Variants in SLC6A13 observed in about 807,000 individuals in gnomAD.
SLC6A13 encodes the protein solute carrier family 6 member 13.
Under a neutral mutation model 72.9 loss-of-function variants are expected in SLC6A13, and 69 were observed. The observed-to-expected ratio is 0.95, with a 90% CI of 0.78 to 1.16. SLC6A13 has a LOEUF of 1.16. SLC6A13 is among the 50% of genes most tolerant of loss of function. The pLI, the probability that SLC6A13 is intolerant of heterozygous loss-of-function variation, is 0.00. For missense variants in SLC6A13, 735 were observed against 760.5 expected, an observed-to-expected ratio of 0.97 and a Z score of 0.39; for synonymous variants, 303 against 303.0, an observed-to-expected ratio of 1.00 and a Z score of 0.00.
intron 11 of SLC6A13, 21 bp downstream of exon 11, chr12:223,971 C>T (rs1370538351): frequency 6.2e-7 from 1 of 1,605,664 alleles, no homozygotes; most frequent in Non-Finnish European, 8.5e-7. Flanking sequence ...CCCAGCCTTC[C>T]CCCGCTTCCC....
rs73604845 is a variant in SLC6A13 at position 251,510 on chromosome 12, T to G, written c.203-7697A>C. 9.1e-3 allele frequency among the ~76,000 whole-genome samples: 1,392 copies of G among 152,286 alleles called. 16 individuals are homozygous for G. Among genetic ancestry groups the G allele is most frequent in the African/African-American group, 0.032 (1,335 of 41,544 alleles). Reference sequence around the variant, plus strand: ...TAGAGCTAAATGTCAAACCTAAAACTATACATCTTCTAGAAGAAAATATGA... The same window carrying G: ...TAGAGCTAAATGTCAAACCTAAAACGATACATCTTCTAGAAGAAAATATGA... On this transcript the variant is annotated intron_variant, in intron 2 of 14. Coordinates refer to ENST00000343164, the MANE Select transcript of SLC6A13 (RefSeq NM_016615.5).
chr12:221,524 A>G lies in SLC6A13; in HGVS notation c.1538T>C (p.Ile513Thr). 1 of 1,602,354 alleles carries G rather than the reference A, an allele frequency of 6.2e-7. No homozygotes were observed. The change falls in exon 14 of 15, where the codon ATA (isoleucine) becomes ACA (threonine). Residue 513 changes from isoleucine to threonine, a missense_variant. By Grantham distance (89) the Ile-to-Thr change is moderately conservative. Coordinates refer to ENST00000343164, the MANE Select transcript of SLC6A13 (RefSeq NM_016615.5). ...GTTGTAGGTCAGCGGAGTGTACTTT[A>G]TCAGGGAGAAGAGAAAGGTGGCCTG... ...VCTATFLFSLIKYTPLTYNKK... is the reference protein window; with the variant it reads ...VCTATFLFSLTKYTPLTYNKK...
intron 7 of SLC6A13, among the ~76,000 whole-genome samples, chr12:231,226 C>A (rs79145070): frequency 0.027 from 4,050 of 152,274 alleles, 78 homozygotes; most frequent in Non-Finnish European, 0.038. Flanking sequence ...CTGGGGATAC[C>A]GGGAAAGGCA....
chr12:259,609 C>G (rs1414852160), intron 2 of SLC6A13: 14 of 1,418,892 alleles, frequency 9.9e-6, no homozygotes, highest in Non-Finnish European at 2.8e-6. Context: ...CTCTCATCCA[C>G]CTGGTTCCAG....
intron 2 of SLC6A13, among the ~76,000 whole-genome samples, chr12:252,422 G>A (rs10774031): frequency 0.56 from 85,355 of 152,088 alleles, 25,429 homozygotes; most frequent in Non-Finnish European, 0.68. Flanking sequence ...CTCAATTGTG[G>A]CAGTGGTTTC....
chr12:235,720 G>A (rs542865562), intron 6 of SLC6A13, among the ~76,000 whole-genome samples: 31 of 152,226 alleles, frequency 2.0e-4, no homozygotes, highest in Non-Finnish European at 2.6e-4. Flanking sequence ...CTGTGGGGTC[G>A]GGCAAAAACA....
intron 7 of SLC6A13, among the ~76,000 whole-genome samples, chr12:231,831 C>A (rs149776920): frequency 6.6e-6 from 1 of 152,176 alleles, no homozygotes; most frequent in African/African-American, 2.4e-5. Context: ...GGAACAGATC[C>A]GGCACATAGT....
chr12:228,449 T>C (rs537432371), intron 7 of SLC6A13, among the ~76,000 whole-genome samples: 5 of 152,246 alleles, frequency 3.3e-5, no homozygotes, highest in African/African-American at 1.2e-4. Context: ...CACCCCGCTA[T>C]GGACGCAGAC....
intron 6 of SLC6A13, among the ~76,000 whole-genome samples, chr12:236,138 T>C (rs1941922162): frequency 6.6e-6 from 1 of 152,250 alleles, no homozygotes; most frequent in Non-Finnish European, 1.5e-5. Flanking sequence ...TTAGTAATTC[T>C]GCTTTTGCCC....
In SLC6A13 at chr12:220,658, T is replaced by C; in HGVS notation, c.*290A>G. The C allele has an allele frequency of 2.6e-6, 1 of 385,192 alleles. No individual in the cohort carries two copies. Among genetic ancestry groups the C allele is most frequent in the Non-Finnish European group, 4.8e-6 (1 of 207,602 alleles). 23.9% of individuals were successfully genotyped at this position (385,192 alleles called of 1,614,324 possible). A position where few individuals can be genotyped will look rare whatever the true frequency, so the allele number is the denominator to read the frequency against. On this transcript the variant is annotated 3_prime_UTR_variant, in exon 15 of 15. Coordinates refer to ENST00000343164, the MANE Select transcript of SLC6A13 (RefSeq NM_016615.5). ...AATGTGGATTTAATGGAATGAAGGA[T>C]GAGAGGGCCCGAAGCCAGCAAGTCT... is the stretch of plus-strand genomic sequence containing the variant.
At chr12:221,339 G>A (rs773410348) in intron 14 of SLC6A13, 37 bp downstream of exon 14, 6 of 1,545,632 alleles carry the variant, frequency 3.9e-6, no homozygotes, top group African/African-American at 1.4e-5. Flanking sequence ...AAGCCTCCCA[G>A]CCCCTCTGGC....
intron 4 of SLC6A13, chr12:238,490 G>A (rs1013104509): frequency 1.8e-4 from 78 of 438,202 alleles, no homozygotes; most frequent in African/African-American, 7.9e-4. Context: ...TGCTTCGCTC[G>A]TCTCTAAAAT....
At position 221,551 on chromosome 12, in the gene SLC6A13, G is replaced by C. The variant is rs1314805942; in HGVS notation, c.1516-5C>G. The C allele has an allele frequency of 1.3e-6, 2 of 1,576,172 alleles. No individual in the cohort carries two copies. The highest frequency in any genetic ancestry group is 1.8e-5 in the Admixed American group (1 of 56,142). The stretch of plus-strand genomic sequence containing the variant: ...CAGGGAGAAGAGAAAGGTGGCCTGA[G>C]GGGGAGAGCAGAAGAGAAAGGGGTT... On this transcript the variant is annotated splice_polypyrimidine_tract_variant and splice_region_variant and intron_variant, in intron 13 of 14. Transcript: ENST00000343164.
chr12:255,159 C>T (rs1020207100), intron 2 of SLC6A13, among the ~76,000 whole-genome samples: 4 of 152,266 alleles, frequency 2.6e-5, no homozygotes, highest in Middle Eastern at 3.4e-3. Context: ...CACATCTCAT[C>T]GCGGGGGCTC....
intron 2 of SLC6A13, among the ~76,000 whole-genome samples, chr12:257,656 G>A (rs1047947748): frequency 7.2e-5 from 11 of 152,216 alleles, no homozygotes; most frequent in Admixed American, 3.9e-4. Flanking sequence ...GGTACTCTGC[G>A]TTCCCACACA....
intron 4 of SLC6A13, among the ~76,000 whole-genome samples, chr12:238,937 C>T (rs916035407): frequency 6.6e-6 from 1 of 152,190 alleles, no homozygotes; most frequent in African/African-American, 2.4e-5. Context: ...CCTTAGATCA[C>T]TCTATGTCAC....
intron 8 of SLC6A13, chr12:226,777 TG>T: frequency 3.0e-6 from 1 of 338,520 alleles, no homozygotes; most frequent in Non-Finnish European, 5.6e-6. Flanking sequence ...AAGCAAAACA[TG>T]GATCTAGATG....
chr12:256,083 C>T (rs762121035), intron 2 of SLC6A13, among the ~76,000 whole-genome samples: 6 of 152,276 alleles, frequency 3.9e-5, no homozygotes, highest in Non-Finnish European at 7.4e-5. Flanking sequence ...ATCCCCTTTA[C>T]CCAGCTCTCC....
At chr12:222,656 A>T in intron 12 of SLC6A13, 24 bp from the exon 13 acceptor site, 1 of 1,488,766 alleles carries the variant, frequency 6.7e-7, no homozygotes, top group Non-Finnish European at 9.3e-7. Context: ...AAGAAGAAGG[A>T]AGGAGGAGAA....
Sources: gnomAD v4.1 joint callset for allele counts (sites outside exome capture counted in the v4.1 genomes callset) on GRCh38, gnomAD v4.1.1 for gene constraint, MANE v1.5 for transcripts, NCBI Gene and HGNC (gene_info 2026-07-23, HGNC 2026-07-21) for gene names.